Variants in TNNI3K observed in about 807,000 individuals in gnomAD.
TNNI3K encodes the protein serine/threonine-protein kinase TNNI3K.
In TNNI3K, 140 loss-of-function variants were observed where a neutral mutation model predicts 114.5. That is an observed-to-expected ratio of 1.22 (90% confidence interval 1.07 to 1.41). TNNI3K has a LOEUF of 1.41. Ranked by LOEUF, TNNI3K falls within the 40% of genes most tolerant of loss-of-function variation. TNNI3K has a pLI of 0.00. For missense variants in TNNI3K, 1,125 were observed against 1,007.6 expected (o/e 1.12, Z -1.58); for synonymous variants, 347 against 347.5 (o/e 1.00, Z 0.02).
intron 24 of TNNI3K, chr1:74,541,570 C>A (rs1388194390): frequency 6.6e-6 from 1 of 152,152 alleles, no homozygotes; most frequent in African/African-American, 2.4e-5. Flanking sequence ...ATAGGGCATC[C>A]TTTGAAACAT....
chr1:74,419,788 CA>C (rs1395319170), intron 17 of TNNI3K, among the ~76,000 whole-genome samples: 1 of 152,052 alleles, frequency 6.6e-6, no homozygotes, highest in Non-Finnish European at 1.5e-5. Context: ...AGTAGCATAA[CA>C]AATGAAAATT....
chr1:74,266,915 CT>C (rs1260182576), intron 4 of TNNI3K, among the ~76,000 whole-genome samples: 1 of 151,894 alleles, frequency 6.6e-6, no homozygotes, highest in African/African-American at 2.4e-5. Context: ...AGCTGGAGCG[CT>C]TTTTTGTCTA....
chr1:74,429,004 C>G (rs1665767958), intron 17 of TNNI3K, among the ~76,000 whole-genome samples: 1 of 152,014 alleles, frequency 6.6e-6, no homozygotes, highest in Non-Finnish European at 1.5e-5. Flanking sequence ...TGCGATATCT[C>G]ATGTTACTGT....
intron 23 of TNNI3K, among the ~76,000 whole-genome samples, chr1:74,496,221 G>A (rs1669319624): frequency 6.6e-6 from 1 of 152,128 alleles, no homozygotes; most frequent in East Asian, 1.9e-4. Flanking sequence ...TCTGTAAGAA[G>A]GGGATGCAGC....
intron 21 of TNNI3K, among the ~76,000 whole-genome samples, chr1:74,477,778 G>A (rs566874987): frequency 3.3e-5 from 5 of 152,268 alleles, no homozygotes; most frequent in East Asian, 3.9e-4. Context: ...GTAGGCAGGC[G>A]GAATGTGCTA....
chr1:74,248,109 G>C (rs1295082350), intron 2 of TNNI3K, among the ~76,000 whole-genome samples: 1 of 152,160 alleles, frequency 6.6e-6, no homozygotes, highest in Admixed American at 6.5e-5. Context: ...TGGGCTGGCA[G>C]TGCTGGGGGA....
chr1:74,502,675 A>G (rs573708680), intron 23 of TNNI3K, among the ~76,000 whole-genome samples: 1 of 152,324 alleles, frequency 6.6e-6, no homozygotes, highest in Admixed American at 6.5e-5. Flanking sequence ...TCTATGGCCA[A>G]TAGCCTTTGA....
intron 17 of TNNI3K, among the ~76,000 whole-genome samples, chr1:74,386,066 A>G (rs1018764460): frequency 3.3e-5 from 5 of 152,214 alleles, no homozygotes; most frequent in African/African-American, 1.2e-4. Flanking sequence ...ATGGCTTTAC[A>G]AAAGGGAGTT....
At chr1:74,291,303 A>G (rs1657662569) in intron 5 of TNNI3K, among the ~76,000 whole-genome samples, 1 of 151,676 alleles carries the variant, frequency 6.6e-6, no homozygotes, top group Non-Finnish European at 1.5e-5. Context: ...TGTAAATGAA[A>G]TCAAAGGCAT....
intron 6 of TNNI3K, among the ~76,000 whole-genome samples, chr1:74,333,345 T>C (rs1167283061): frequency 6.6e-6 from 1 of 152,242 alleles, no homozygotes; most frequent in African/African-American, 2.4e-5. Flanking sequence ...AAAATACTTT[T>C]AGAAGTACAG....
chr1:74,438,164 A>G (rs1029030403), intron 19 of TNNI3K, among the ~76,000 whole-genome samples: 32 of 151,772 alleles, frequency 2.1e-4, no homozygotes, highest in African/African-American at 7.3e-4. Flanking sequence ...GGCTTTATGT[A>G]TGTTATCTAA....
chr1:74,453,958 A>G lies in TNNI3K; in HGVS notation c.2012-9483A>G, dbSNP rs1223432046. On this transcript the variant is annotated intron_variant, in intron 20 of 24. Coordinates refer to ENST00000326637, the MANE Select transcript of TNNI3K (RefSeq NM_015978.3). ...GCAATTAATTCAGCATTTTAAAGAA[A>G]ATATGTTTCAGGCTAACACCGTAGG... Among the ~76,000 whole-genome samples the G allele has an allele frequency of 2.0e-5, 3 of 152,218 alleles. No individual in the cohort carries two copies. In the East Asian group the frequency reaches 5.8e-4, roughly 29 times the overall value.
At chr1:74,292,819 ATTG>A (rs1208749775) in intron 5 of TNNI3K, among the ~76,000 whole-genome samples, 2 of 151,202 alleles carry the variant, frequency 1.3e-5, no homozygotes, top group Non-Finnish European at 3.0e-5. Flanking sequence ...CTTGCTGTTT[ATTG>A]TTGTAGTTCT....
chr1:74,257,861 G>A (rs567782246), intron 4 of TNNI3K, among the ~76,000 whole-genome samples: 37 of 151,744 alleles, frequency 2.4e-4, no homozygotes, highest in Non-Finnish European at 3.5e-4. Context: ...TAGAGACGGG[G>A]TTTCACCATG....
intron 2 of TNNI3K, among the ~76,000 whole-genome samples, chr1:74,236,655 G>C (rs1653877210): frequency 6.6e-6 from 1 of 151,754 alleles, no homozygotes; most frequent in Admixed American, 6.6e-5. Flanking sequence ...ACATTGAAAG[G>C]CTGTCCCTTA....
intron 11 of TNNI3K, among the ~76,000 whole-genome samples, chr1:74,359,631 G>A (rs1661848128): frequency 6.6e-6 from 1 of 151,930 alleles, no homozygotes; most frequent in Admixed American, 6.6e-5. Flanking sequence ...TATTATGAAA[G>A]TAATCCAAAG....
chr1:74,371,129 G>A (rs1025618169), intron 17 of TNNI3K: 6 of 151,832 alleles, frequency 4.0e-5, no homozygotes, highest in Admixed American at 3.9e-4. Context: ...AAGCAAGTCA[G>A]ATTATTCCAC....
chr1:74,326,090 T>C (rs1210777683), intron 5 of TNNI3K, among the ~76,000 whole-genome samples: 1 of 152,088 alleles, frequency 6.6e-6, no homozygotes, highest in African/African-American at 2.4e-5. Flanking sequence ...GGTATAAGCA[T>C]GAATTTGAAG....
intron 5 of TNNI3K, among the ~76,000 whole-genome samples, chr1:74,314,016 C>T (rs1003523915): frequency 1.4e-5 from 2 of 147,632 alleles, no homozygotes; most frequent in East Asian, 2.0e-4. Context: ...AAGAATATTA[C>T]CTCAGGGAAG....
Sources: allele counts gnomAD v4.1 joint callset (sites outside exome capture counted in the v4.1 genomes callset), GRCh38; gene constraint gnomAD v4.1.1; transcripts MANE v1.5; gene names NCBI Gene and HGNC (gene_info 2026-07-23, HGNC 2026-07-21).